The following NBAS variants were observed in gnomAD, a reference collection of about 807,000 sequenced individuals.
The protein encoded by NBAS is NBAS subunit of NRZ tethering complex, also known as NAG/BC035112 fusion.
A neutral mutation model predicts 302.5 loss-of-function variants in NBAS; 219 were observed. The ratio of observed to expected loss-of-function variants is 0.72; its 90% CI spans 0.65 to 0.81. The LOEUF (loss-of-function observed/expected upper bound fraction) is 0.81, where lower values mean the gene tolerates loss of function less well. NBAS is among the 30% of genes least tolerant of loss of function. NBAS has a pLI of 0.00. For synonymous variants in NBAS, 1,118 were observed against 1,021.6 expected (o/e 1.09, Z -1.80); for missense variants, 2,932 against 2,841.6 (o/e 1.03, Z -0.72).
chr2:14,962,955 C>A, the NBAS span, among the ~76,000 whole-genome samples: 222 of 151,104 alleles, frequency 1.5e-3, 1 homozygote, highest in African/African-American at 4.8e-3. Context: ...AAAAAAAAAA[C>A]AAAAAACTGT....
chr2:14,845,949 T>C, the NBAS span, among the ~76,000 whole-genome samples: 1 of 152,076 alleles, frequency 6.6e-6, no homozygotes, highest in African/African-American at 2.4e-5. Flanking sequence ...CTAAGAGTTA[T>C]TGGCCTTAAA....
At chr2:15,442,555 G>T (rs1161369835) in intron 21 of NBAS, among the ~76,000 whole-genome samples, 7 of 152,010 alleles carry the variant, frequency 4.6e-5, no homozygotes, top group Admixed American at 3.9e-4. Context: ...AAGCAGGAAA[G>T]ATCCCAAATT....
At chr2:15,368,527 TCTA>T (rs1194093781) in intron 31 of NBAS, among the ~76,000 whole-genome samples, 27 of 152,186 alleles carry the variant, frequency 1.8e-4, no homozygotes, top group African/African-American at 6.5e-4. Context: ...TATTTATACA[TCTA>T]CAACAATAAT....
At chr2:14,787,314 C>T in the NBAS span, among the ~76,000 whole-genome samples, 2 of 152,208 alleles carry the variant, frequency 1.3e-5, no homozygotes, top group African/African-American at 4.8e-5. Context: ...GCATTTAGTC[C>T]ATTTACATTT....
intron 38 of NBAS, among the ~76,000 whole-genome samples, chr2:15,319,287 G>C (rs1017966208): frequency 1.8e-4 from 28 of 152,162 alleles, no homozygotes; most frequent in African/African-American, 6.8e-4. Flanking sequence ...ATGCCCACAA[G>C]AGAAAGCAGG....
At chr2:15,059,970 A>AAAAAAC in the NBAS span, among the ~76,000 whole-genome samples, 1 of 43,876 alleles carries the variant, frequency 2.3e-5, no homozygotes. Flanking sequence ...AAAACAAAAA[A>AAAAAAC]AAAAACAAAA....
At chr2:14,849,725 A>G in the NBAS span, among the ~76,000 whole-genome samples, 20 of 142,012 alleles carry the variant, frequency 1.4e-4, no homozygotes, top group African/African-American at 4.8e-4. Flanking sequence ...GACTAACAGC[A>G]GATCTCTTGT....
the NBAS span, among the ~76,000 whole-genome samples, chr2:14,946,099 A>G: frequency 6.6e-6 from 1 of 152,168 alleles, no homozygotes; most frequent in Non-Finnish European, 1.5e-5. Context: ...TCAAAAGACC[A>G]AATCTAAGAA....
At chr2:15,501,158 G>A (rs911836515) in intron 11 of NBAS, among the ~76,000 whole-genome samples, 85 of 151,796 alleles carry the variant, frequency 5.6e-4, no homozygotes, top group Middle Eastern at 3.4e-3. Context: ...AAAGTTAGCC[G>A]GGTATGGTGG....
At chr2:15,286,034 C>T (rs1670027525) in intron 42 of NBAS, among the ~76,000 whole-genome samples, 1 of 152,208 alleles carries the variant, frequency 6.6e-6, no homozygotes, top group South Asian at 2.1e-4. Context: ...GGAGTGATGC[C>T]ACCATCTGGC....
chr2:15,455,870 A>G (rs9287662), intron 21 of NBAS, among the ~76,000 whole-genome samples: 91,514 of 151,326 alleles, frequency 0.6, 28,665 homozygotes, highest in Non-Finnish European at 0.68. Context: ...TTTTAAATAG[A>G]AAAAGAGCAA....
intron 21 of NBAS, among the ~76,000 whole-genome samples, chr2:15,460,049 T>C (rs1427889966): frequency 1.3e-5 from 2 of 152,106 alleles, no homozygotes; most frequent in South Asian, 2.1e-4. Context: ...ATGTTGACCA[T>C]CATCATTAAT....
At chr2:14,969,458 C>T in the NBAS span, among the ~76,000 whole-genome samples, 1 of 152,178 alleles carries the variant, frequency 6.6e-6, no homozygotes, top group South Asian at 2.1e-4. Context: ...CTCACTTCAA[C>T]GTCTGCCTCC....
At chr2:15,476,349 T>G (rs1033964433) in intron 13 of NBAS, among the ~76,000 whole-genome samples, 1 of 152,010 alleles carries the variant, frequency 6.6e-6, no homozygotes, top group Non-Finnish European at 1.5e-5. Flanking sequence ...TAGTTTCCAG[T>G]GCTGATTTCC....
intron 16 of NBAS, among the ~76,000 whole-genome samples, chr2:15,470,840 G>A (rs1558369232): frequency 6.6e-6 from 1 of 152,154 alleles, no homozygotes; most frequent in African/African-American, 2.4e-5. Flanking sequence ...TGTGCCTGTA[G>A]TCCCAAGCTA....
chr2:15,170,971 T>C (rs542791621), intron 51 of NBAS, among the ~76,000 whole-genome samples: 1 of 152,338 alleles, frequency 6.6e-6, no homozygotes, highest in East Asian at 1.9e-4. Context: ...ATCAGCACAC[T>C]GCTGAGTTGC....
intron 6 of NBAS, among the ~76,000 whole-genome samples, 199 bp from the exon 7 acceptor site, chr2:15,539,555 G>C (rs990136476): frequency 5.3e-5 from 8 of 152,270 alleles, no homozygotes; most frequent in Non-Finnish European, 1.0e-4. Flanking sequence ...ACAAACCACT[G>C]CAACTATGCC....
chr2:14,879,476 A>C, the NBAS span, among the ~76,000 whole-genome samples: 2 of 152,240 alleles, frequency 1.3e-5, no homozygotes, highest in Admixed American at 6.5e-5. Flanking sequence ...ACCAACGGTG[A>C]CATTAACCGT....
At chr2:15,375,616 G>A (rs1317302942) in intron 30 of NBAS, among the ~76,000 whole-genome samples, 16 of 152,034 alleles carry the variant, frequency 1.1e-4, no homozygotes, top group Admixed American at 1.0e-3. Context: ...CCTCTTTGTG[G>A]TTTCTATCAA....
Sources: gnomAD v4.1 joint callset for allele counts (sites outside exome capture counted in the v4.1 genomes callset) on GRCh38, gnomAD v4.1.1 for gene constraint, MANE v1.5 for transcripts, NCBI Gene and HGNC (gene_info 2026-07-23, HGNC 2026-07-21) for gene names.